CNTN4: variants seen among roughly 807,000 people sequenced by gnomAD.
CNTN4 encodes contactin 4, also known as contactin-4.
CNTN4 carries 77 observed loss-of-function variants against 122.5 expected under a neutral mutation model. That is an observed-to-expected ratio of 0.63 (90% CI 0.52 to 0.76). The LOEUF (loss-of-function observed/expected upper bound fraction) is 0.76, where lower values mean the gene tolerates loss of function less well. CNTN4 is among the 30% of genes least tolerant of loss of function. CNTN4 has a pLI of 0.00. For synonymous variants in CNTN4, 512 were observed against 447.0 expected, an observed-to-expected ratio of 1.15 and a Z score of -1.83; for missense variants, 1,256 against 1,259.1, an observed-to-expected ratio of 1.00 and a Z score of 0.04.
intron 4 of CNTN4, among the ~76,000 whole-genome samples, chr3:2,639,662 A>G (rs1247440074): frequency 6.6e-6 from 1 of 152,228 alleles, no homozygotes; most frequent in African/African-American, 2.4e-5. Context: ...ATGCATATTT[A>G]TTAAATGAAT....
intron 6 of CNTN4, among the ~76,000 whole-genome samples, chr3:2,809,153 G>C (rs1177741392): frequency 1.3e-5 from 2 of 152,254 alleles, no homozygotes; most frequent in African/African-American, 4.8e-5. Flanking sequence ...CGTAGTTGCA[G>C]ATGGCGGCGG....
chr3:2,459,103 T>G (rs186412929), intron 3 of CNTN4, among the ~76,000 whole-genome samples: 1 of 152,260 alleles, frequency 6.6e-6, no homozygotes, highest in Admixed American at 6.5e-5. Flanking sequence ...TTATAGACAC[T>G]TAATACCTAA....
At chr3:2,328,160 C>G (rs901607100) in intron 2 of CNTN4, among the ~76,000 whole-genome samples, 1 of 152,172 alleles carries the variant, frequency 6.6e-6, no homozygotes, top group African/African-American at 2.4e-5. Flanking sequence ...AATCCCAGCA[C>G]TTTGGGAGGC....
intron 4 of CNTN4, among the ~76,000 whole-genome samples, chr3:2,670,775 T>G (rs1481565523): frequency 6.6e-6 from 1 of 152,200 alleles, no homozygotes; most frequent in Non-Finnish European, 1.5e-5. Flanking sequence ...AGGAGCTCTT[T>G]TAGGACAGGC....
At chr3:2,756,071 T>C (rs1190451724) in intron 6 of CNTN4, among the ~76,000 whole-genome samples, 1 of 152,242 alleles carries the variant, frequency 6.6e-6, no homozygotes, top group Non-Finnish European at 1.5e-5. Flanking sequence ...TCACAATTGC[T>C]CTAATTATAT....
intron 3 of CNTN4, among the ~76,000 whole-genome samples, chr3:2,379,702 A>G (rs1009540313): frequency 6.6e-6 from 1 of 152,208 alleles, no homozygotes; most frequent in African/African-American, 2.4e-5. Context: ...TCTTGGGAAC[A>G]TTATATAACC....
At chr3:2,426,464 G>A (rs1575604008) in intron 3 of CNTN4, among the ~76,000 whole-genome samples, 2 of 152,026 alleles carry the variant, frequency 1.3e-5, no homozygotes, top group East Asian at 1.9e-4. Flanking sequence ...TGCTGGATTC[G>A]GTTTGCCAGT....
intron 7 of CNTN4, among the ~76,000 whole-genome samples, chr3:2,837,441 G>C (rs1264041853): frequency 6.6e-6 from 1 of 152,170 alleles, no homozygotes. Flanking sequence ...CTCCTGCCTG[G>C]AGCTGTTCTG....
In CNTN4 at chr3:2,166,310, T is replaced by C. The variant is rs891912491; in HGVS notation, c.-145+65671T>C. ...GTTAGGATTTTTTTTGGTTATTATC[T>C]ATTATTTTTGATAATAATTATTATC... On this transcript the variant is annotated intron_variant, in intron 2 of 24. Transcript: ENST00000418658. Among the ~76,000 whole-genome samples, 12 of 152,160 alleles carry C rather than the reference T, an allele frequency of 7.9e-5. No homozygotes were observed. The South Asian group carries it at 2.5e-3, about 32-fold the overall frequency.
At chr3:2,417,852 G>A (rs553628105) in intron 3 of CNTN4, among the ~76,000 whole-genome samples, 7 of 152,218 alleles carry the variant, frequency 4.6e-5, no homozygotes, top group Admixed American at 3.3e-4. Flanking sequence ...AAACTTAAAT[G>A]TGTATTACTA....
At chr3:2,558,674 C>G (rs983891535) in intron 3 of CNTN4, among the ~76,000 whole-genome samples, 5 of 152,142 alleles carry the variant, frequency 3.3e-5, no homozygotes, top group African/African-American at 1.2e-4. Flanking sequence ...TAGCTTTAGA[C>G]AAAGACACAT....
At chr3:2,836,189 A>G (rs906651122) in intron 7 of CNTN4, among the ~76,000 whole-genome samples, 6 of 152,228 alleles carry the variant, frequency 3.9e-5, no homozygotes, top group East Asian at 1.9e-4. Context: ...GAACATACCA[A>G]TTATTATGGA....
intron 2 of CNTN4, among the ~76,000 whole-genome samples, chr3:2,132,900 C>T (rs1438866253): frequency 6.6e-6 from 1 of 152,170 alleles, no homozygotes. Flanking sequence ...GACAGCGAGT[C>T]AAAGAACAGT....
chr3:2,845,746 CAG>C, intron 7 of CNTN4, among the ~76,000 whole-genome samples: 2 of 152,274 alleles, frequency 1.3e-5, no homozygotes, highest in Middle Eastern at 6.8e-3. Context: ...ATGAGGCTAA[CAG>C]AGAGTCAGTG....
At chr3:2,820,961 C>CTTTTTTTTT (rs67731967) in intron 7 of CNTN4, among the ~76,000 whole-genome samples, 2,779 of 107,282 alleles carry the variant, frequency 0.026, 177 homozygotes, top group Non-Finnish European at 0.039. Context: ...TTTTCTCTTT[C>CTTTTTTTTT]TTTTTTTTTT....
chr3:2,523,526 G>A lies in CNTN4; in HGVS notation c.-88-47890G>A, dbSNP rs142681017. On this transcript the variant is annotated intron_variant, in intron 3 of 24. Transcript: ENST00000418658. ...GACATGAGTCAGAGTCTTTGGTGAT[G>A]CAAGTGTGGAAGGATCTTTTCTGAA... Among the ~76,000 whole-genome samples the A allele has an allele frequency of 4.1e-4, 62 of 152,162 alleles. 1 individual carries two copies. The East Asian group carries it at 0.011, about 28-fold the overall frequency.
Position 2,170,209 on chromosome 3 carries a change from A to G in CNTN4, c.-145+69570A>G, listed in dbSNP as rs547644884. On this transcript the variant is annotated intron_variant, in intron 2 of 24. Coordinates refer to ENST00000418658, the MANE Select transcript of CNTN4 (RefSeq NM_175607.3). ...GGTGGCGGCGCCTGTAGTCCCAGCT[A>G]CTCGGGAGGCTGAGGCGGGAGAATG... Among the ~76,000 whole-genome samples the G allele has an allele frequency of 2.5e-3, 378 of 151,720 alleles. 6 individuals are homozygous for G. The highest frequency in any genetic ancestry group is 7.4e-3 in the African/African-American group (307 of 41,308).
intron 3 of CNTN4, among the ~76,000 whole-genome samples, chr3:2,422,806 G>C (rs1265202764): frequency 6.6e-6 from 1 of 152,096 alleles, no homozygotes; most frequent in African/African-American, 2.4e-5. Context: ...GGTTTCAAAG[G>C]GTTGCTTTAT....
At chr3:2,397,722 A>G (rs1280359927) in intron 3 of CNTN4, among the ~76,000 whole-genome samples, 1 of 152,196 alleles carries the variant, frequency 6.6e-6, no homozygotes, top group East Asian at 1.9e-4. Context: ...GGAGTTAGCT[A>G]TGCTAAAGTA....
Sources: gnomAD v4.1 joint callset for allele counts (sites outside exome capture counted in the v4.1 genomes callset) on GRCh38, gnomAD v4.1.1 for gene constraint, MANE v1.5 for transcripts, NCBI Gene and HGNC (gene_info 2026-07-23, HGNC 2026-07-21) for gene names.